Variants in PTP4A3 observed in about 807,000 individuals in gnomAD.
PTP4A3 encodes protein tyrosine phosphatase 4A3.
Under a neutral mutation model 15.2 loss-of-function variants are expected in PTP4A3, and 9 were observed. The ratio of observed to expected loss-of-function variants is 0.59; its 90% CI spans 0.36 to 1.03. PTP4A3 has a LOEUF of 1.03. Ranked by LOEUF, PTP4A3 falls within the 50% of genes least tolerant of loss-of-function variation. The pLI is 0.02. For synonymous variants in PTP4A3, 95 were observed against 102.0 expected, an observed-to-expected ratio of 0.93 and a Z score of 0.41; for missense variants, 234 against 252.1, an observed-to-expected ratio of 0.93 and a Z score of 0.49.
intron 1 of PTP4A3, among the ~76,000 whole-genome samples, chr8:141,399,728 C>A (rs759056497): frequency 7.8e-4 from 118 of 152,204 alleles, no homozygotes; most frequent in Non-Finnish European, 1.5e-3. Flanking sequence ...GTGGCATGCC[C>A]TTTACTCTCT....
intron 1 of PTP4A3, among the ~76,000 whole-genome samples, chr8:141,409,556 C>T (rs1226277898): frequency 6.6e-6 from 1 of 152,212 alleles, no homozygotes; most frequent in Admixed American, 6.5e-5. Flanking sequence ...CAGAGGGCTC[C>T]ACATAGCCCC....
intron 2 of PTP4A3, among the ~76,000 whole-genome samples, chr8:141,423,802 C>T (rs1833441425): frequency 6.6e-6 from 1 of 151,762 alleles, no homozygotes; most frequent in African/African-American, 2.4e-5. Flanking sequence ...TTAGGGAGGG[C>T]TCATCCTGTG....
intron 1 of PTP4A3, among the ~76,000 whole-genome samples, chr8:141,407,522 C>A (rs1292368627): frequency 6.6e-6 from 1 of 151,922 alleles, no homozygotes; most frequent in Non-Finnish European, 1.5e-5. Flanking sequence ...GCAGCGCGGC[C>A]CAGGACGGCT....
chr8:141,419,239 G>T (rs1833207457), intron 1 of PTP4A3, among the ~76,000 whole-genome samples: 1 of 152,212 alleles, frequency 6.6e-6, no homozygotes, highest in African/African-American at 2.4e-5. Context: ...CCACGTGCTG[G>T]TGCCTGTGGG....
At chr8:141,395,326 G>C (rs1832417932) in intron 1 of PTP4A3, among the ~76,000 whole-genome samples, 1 of 152,232 alleles carries the variant, frequency 6.6e-6, no homozygotes, top group African/African-American at 2.4e-5. Flanking sequence ...AGGACAGGCT[G>C]TTCCTCCCAG....
At chr8:141,407,902 TTTG>T (rs540028730) in intron 1 of PTP4A3, among the ~76,000 whole-genome samples, 10 of 152,134 alleles carry the variant, frequency 6.6e-5, no homozygotes, top group East Asian at 3.9e-4. Flanking sequence ...CATGAGGTTT[TTTG>T]TTGTTGTTGT....
rs1374974411 is a variant in PTP4A3 at position 141,422,106 on chromosome 8, T to A, written c.-135T>A. On this transcript the variant is annotated 5_prime_UTR_variant, in exon 2 of 6. An upstream open reading frame in the 5' UTR loses its in-frame stop. Transcript: ENST00000521578. ...TGTGCGGGGTATGGGGGTGGGTTTTTAAATCTCGTTTCTCTTGGACAAGCA... is the reference window on the plus strand; with the variant it reads ...TGTGCGGGGTATGGGGGTGGGTTTTAAAATCTCGTTTCTCTTGGACAAGCA... 6.0e-6 allele frequency: 5 copies of A among 840,202 alleles called. No homozygotes were observed. In the African/African-American group the frequency reaches 6.8e-5, roughly 11 times the overall value. The allele number at this position is 840,202 out of a possible 1,614,324, so 52.0% of individuals were successfully genotyped here. A position where few individuals can be genotyped will look rare whatever the true frequency, so the allele number is the denominator to read the frequency against.
chr8:141,397,815 A>C (rs1832490775), intron 1 of PTP4A3, among the ~76,000 whole-genome samples: 1 of 152,112 alleles, frequency 6.6e-6, no homozygotes. Flanking sequence ...CAGAAATTGG[A>C]CCTGAGTTGG....
intron 5 of PTP4A3, among the ~76,000 whole-genome samples, chr8:141,428,989 G>A (rs1833718311): frequency 1.3e-5 from 2 of 152,204 alleles, no homozygotes; most frequent in African/African-American, 4.8e-5. Context: ...ACCGAGCAAG[G>A]GCTTGTCTCT....
chr8:141,424,040 G>C (rs1833452647), intron 2 of PTP4A3, among the ~76,000 whole-genome samples: 1 of 152,118 alleles, frequency 6.6e-6, no homozygotes, highest in Non-Finnish European at 1.5e-5. Flanking sequence ...TGTGACCAGG[G>C]CCAGGGCTGA....
At chr8:141,422,700 G>T (rs1013891840) in intron 2 of PTP4A3, among the ~76,000 whole-genome samples, 1 of 152,184 alleles carries the variant, frequency 6.6e-6, no homozygotes, top group African/African-American at 2.4e-5. Flanking sequence ...GGGCCCTCCC[G>T]AGCCCTTTGC....
At position 141,406,736 on chromosome 8, in the gene PTP4A3, C is replaced by T. The variant is rs944399699; in HGVS notation, c.-854+14652C>T. The stretch of plus-strand genomic sequence containing the variant: ...TGTTGCCTGCATGCCACCGACAGCC[C>T]GCCTCTTCTTTCCATCTTAATCCAT... On this transcript the variant is annotated intron_variant, in intron 1 of 5. Coordinates refer to ENST00000521578, the MANE Select transcript of PTP4A3 (RefSeq NM_032611.3). This position sits in a 1 kb window ranked among gnomAD's most constrained non-coding sequence, Gnocchi z 4.5. Among the ~76,000 whole-genome samples, 1 of 152,134 alleles carries T rather than the reference C, an allele frequency of 6.6e-6. No individual in the cohort carries two copies. Among genetic ancestry groups the T allele is most frequent in the Non-Finnish European group, 1.5e-5 (1 of 68,024 alleles).
At chr8:141,409,250 C>A (rs1042431374) in intron 1 of PTP4A3, among the ~76,000 whole-genome samples, 2 of 152,238 alleles carry the variant, frequency 1.3e-5, no homozygotes, top group African/African-American at 4.8e-5. Flanking sequence ...ACAGCACTGC[C>A]AGACAGGGCA....
chr8:141,425,196 C>CCCGGGGGGGGGGGGGGGGG lies in PTP4A3; in HGVS notation c.198+56_198+57insCCGGGGGGGGGGGGGGGGG. The CCCGGGGGGGGGGGGGGGGG allele has an allele frequency of 5.5e-6, 2 of 361,478 alleles. No individual in the cohort carries two copies. Among genetic ancestry groups the CCCGGGGGGGGGGGGGGGGG allele is most frequent in the Non-Finnish European group, 5.4e-6 (1 of 185,984 alleles). 22.4% of individuals were successfully genotyped at this position (361,478 alleles called of 1,614,324 possible). A position where few individuals can be genotyped will look rare whatever the true frequency, so the allele number is the denominator to read the frequency against. ...CTGCTGCCACCGGGGGAGGGTGGGG[C>CCCGGGGGGGGGGGGGGGGG]GGGGGGCTCCGGGCCTGCGCAGAGG... On this transcript the variant is annotated intron_variant, in intron 3 of 5. Transcript: ENST00000521578. The surrounding 1 kb of genome is among the most constrained non-coding windows in gnomAD (Gnocchi z 4.2).
chr8:141,404,957 G>A (rs1440156389), intron 1 of PTP4A3, among the ~76,000 whole-genome samples: 2 of 152,176 alleles, frequency 1.3e-5, no homozygotes, highest in African/African-American at 2.4e-5. Context: ...TGCCAGGAGT[G>A]TTCAAGAAGT....
At chr8:141,418,928 A>G (rs77459385) in intron 1 of PTP4A3, among the ~76,000 whole-genome samples, 13,309 of 152,194 alleles carry the variant, frequency 0.087, 687 homozygotes, top group Middle Eastern at 0.19. Context: ...GCAGAGCCAC[A>G]TAGTGGTGCC....
At chr8:141,416,456 G>A (rs1334942740) in intron 1 of PTP4A3, among the ~76,000 whole-genome samples, 1 of 152,184 alleles carries the variant, frequency 6.6e-6, no homozygotes, top group Non-Finnish European at 1.5e-5. Context: ...TTAGAAAGTG[G>A]CTGAGGTTGG....
In PTP4A3 at chr8:141,430,961, A is replaced by G. The variant is rs201651447; in HGVS notation, c.439A>G (p.Thr147Ala). 4.3e-6 allele frequency: 7 copies of G among 1,613,072 alleles called. No individual in the cohort carries two copies. The highest frequency in any genetic ancestry group is 5.9e-6 in the Non-Finnish European group (7 of 1,179,892). The change falls in exon 6 of 6, where the codon ACC becomes GCC. Residue 147 changes from threonine (T) to alanine (A), a missense_variant. By Grantham distance (58) the Thr-to-Ala change is moderately conservative (BLOSUM62 0). Coordinates refer to ENST00000521578, the MANE Select transcript of PTP4A3 (RefSeq NM_032611.3). ...CGGAGCCATCAACAGCAAGCAGCTC[A>G]CCTACCTGGAGAAATACCGGCCCAA... is the stretch of plus-strand genomic sequence containing the variant. ...RRGAINSKQL[T>A]YLEKYRPKQR...
At chr8:141,394,885 G>C (rs911245441) in intron 1 of PTP4A3, among the ~76,000 whole-genome samples, 6 of 152,218 alleles carry the variant, frequency 3.9e-5, no homozygotes, top group African/African-American at 1.4e-4. Context: ...TGGCATCGCC[G>C]CCGCCTGACT....
Sources: gnomAD v4.1 joint callset for allele counts (sites outside exome capture counted in the v4.1 genomes callset) on GRCh38, gnomAD v4.1.1 for gene constraint, Gnocchi (gnomAD v3.1) non-coding constraint, MANE v1.5 for transcripts, NCBI Gene and HGNC (gene_info 2026-07-23, HGNC 2026-07-21) for gene names.